The following EXOC6B variants were observed in gnomAD, a reference collection of about 807,000 sequenced individuals.
EXOC6B encodes the protein SEC15 homolog B.
In EXOC6B, 54 loss-of-function variants were observed where a neutral mutation model predicts 113.5. The observed-to-expected ratio is 0.48, with a 90% CI of 0.38 to 0.60. EXOC6B has a LOEUF of 0.60. Ranked by LOEUF, EXOC6B falls within the 20% of genes least tolerant of loss-of-function variation. The pLI is 0.00. For synonymous variants in EXOC6B, 357 were observed against 339.0 expected, an observed-to-expected ratio of 1.05 and a Z score of -0.58; for missense variants, 797 against 977.5, an observed-to-expected ratio of 0.82 and a Z score of 2.46.
At chr2:72,724,354 A>G (rs1350119162) in intron 5 of EXOC6B, among the ~76,000 whole-genome samples, 5 of 152,230 alleles carry the variant, frequency 3.3e-5, no homozygotes, top group Admixed American at 2.0e-4. Flanking sequence ...AGACGGATCA[A>G]GTCTTACTTA....
intron 6 of EXOC6B, among the ~76,000 whole-genome samples, chr2:72,697,623 G>A (rs1677988084): frequency 6.6e-6 from 1 of 152,150 alleles, no homozygotes; most frequent in Non-Finnish European, 1.5e-5. Context: ...GGCAGAGGTT[G>A]CAGTAAGCCA....
chr2:72,589,353 G>A (rs959674082), intron 6 of EXOC6B, among the ~76,000 whole-genome samples: 9 of 151,826 alleles, frequency 5.9e-5, no homozygotes, highest in African/African-American at 1.2e-4. Context: ...TAATTAATAC[G>A]CATATTTGAG....
chr2:72,345,937 G>T (rs1429966470), intron 19 of EXOC6B, among the ~76,000 whole-genome samples: 1 of 152,074 alleles, frequency 6.6e-6, no homozygotes, highest in African/African-American at 2.4e-5. Context: ...AGAGCAGGGA[G>T]TATATTGGAA....
intron 18 of EXOC6B, among the ~76,000 whole-genome samples, chr2:72,407,928 C>T (rs1384341187): frequency 1.3e-5 from 2 of 152,072 alleles, no homozygotes; most frequent in Non-Finnish European, 2.9e-5. Flanking sequence ...TCAAATTGTC[C>T]CTGTTTGCAG....
At chr2:72,786,061 TA>T (rs1374397924) in intron 1 of EXOC6B, among the ~76,000 whole-genome samples, 1 of 151,944 alleles carries the variant, frequency 6.6e-6, no homozygotes, top group Non-Finnish European at 1.5e-5. Flanking sequence ...TTGTCTTCAC[TA>T]AAAATAAAAT....
intron 8 of EXOC6B, chr2:72,515,714 C>G (rs565963514): frequency 3.4e-5 from 34 of 987,600 alleles, no homozygotes; most frequent in Non-Finnish European, 3.5e-5. Context: ...AAGTGCTCTA[C>G]ATAATAATAT....
intron 20 of EXOC6B, among the ~76,000 whole-genome samples, chr2:72,193,526 A>C (rs1276271787): frequency 6.6e-6 from 1 of 152,226 alleles, no homozygotes; most frequent in Non-Finnish European, 1.5e-5. Flanking sequence ...TCACTCTTCT[A>C]GGTACTGCAT....
At chr2:72,309,404 G>A (rs989006523) in intron 20 of EXOC6B, among the ~76,000 whole-genome samples, 1 of 152,094 alleles carries the variant, frequency 6.6e-6, no homozygotes, top group Non-Finnish European at 1.5e-5. Flanking sequence ...AAATTAGGCT[G>A]AACCTCGTTT....
At chr2:72,710,026 G>C (rs987754076) in intron 6 of EXOC6B, among the ~76,000 whole-genome samples, 4 of 152,032 alleles carry the variant, frequency 2.6e-5, no homozygotes, top group African/African-American at 9.7e-5. Context: ...TGTTCAATAA[G>C]AAAATGGAGT....
chr2:72,663,566 CA>C (rs2104457493), intron 6 of EXOC6B, among the ~76,000 whole-genome samples: 1 of 152,210 alleles, frequency 6.6e-6, no homozygotes, highest in Non-Finnish European at 1.5e-5. Context: ...AATGAAACCA[CA>C]ACTTGTAGGA....
intron 1 of EXOC6B, among the ~76,000 whole-genome samples, chr2:72,744,158 C>CTA (rs374160098): frequency 1.1e-4 from 16 of 152,226 alleles, no homozygotes; most frequent in African/African-American, 3.1e-4. Context: ...GTGTAGTAGA[C>CTA]TATATACCAT....
At chr2:72,444,621 A>G (rs1417030558) in intron 18 of EXOC6B, among the ~76,000 whole-genome samples, 1 of 152,234 alleles carries the variant, frequency 6.6e-6, no homozygotes, top group Non-Finnish European at 1.5e-5. Flanking sequence ...CCAAACCTCA[A>G]TTATTGACTT....
intron 6 of EXOC6B, among the ~76,000 whole-genome samples, chr2:72,676,985 T>C (rs923382084): frequency 3.3e-5 from 5 of 152,158 alleles, no homozygotes; most frequent in African/African-American, 1.2e-4. Context: ...TTATGAGAGA[T>C]ACATGAGAGT....
In EXOC6B at chr2:72,411,540, C is replaced by T. The variant is rs573309420; in HGVS notation, c.1981-31670G>A. On this transcript the variant is annotated intron_variant, in intron 18 of 21. Transcript: ENST00000272427. ...GAAAAGGGAGGAGATTAAAGCGACA[C>T]GGAAGCTTGGTTTCCCCTGTGCACT... Among the ~76,000 whole-genome samples the T allele has an allele frequency of 2.6e-5, 4 of 152,272 alleles. No homozygotes were observed. The South Asian group carries it at 8.3e-4, about 32-fold the overall frequency.
rs185140964 is a variant in EXOC6B, at chr2:72,706,628, A to C, written c.669+11475T>G. On this transcript the variant is annotated intron_variant, in intron 6 of 21. Transcript: ENST00000272427. ...CTTTTGGGTAACTATCATCAGCTGAAACTCTGCCTTGGATTATCTCTCAGA... is the reference window on the plus strand; with the variant it reads ...CTTTTGGGTAACTATCATCAGCTGACACTCTGCCTTGGATTATCTCTCAGA... Among the ~76,000 whole-genome samples the C allele has an allele frequency of 5.6e-3, 856 of 152,114 alleles. 13 individuals carry two copies. The highest frequency in any genetic ancestry group is 0.017 in the African/African-American group (718 of 41,500).
intron 19 of EXOC6B, among the ~76,000 whole-genome samples, chr2:72,354,058 T>C (rs573062255): frequency 6.6e-6 from 1 of 152,110 alleles, no homozygotes; most frequent in African/African-American, 2.4e-5. Flanking sequence ...AGGAAAATGG[T>C]CTTTTAGAAA....
intron 17 of EXOC6B, among the ~76,000 whole-genome samples, chr2:72,475,278 G>A (rs932736699): frequency 6.6e-6 from 1 of 152,170 alleles, no homozygotes; most frequent in African/African-American, 2.4e-5. Flanking sequence ...GGGTGGGGAT[G>A]TTCTTGAACC....
At chr2:72,350,552 G>A (rs1359102862) in intron 19 of EXOC6B, among the ~76,000 whole-genome samples, 1 of 152,186 alleles carries the variant, frequency 6.6e-6, no homozygotes, top group African/African-American at 2.4e-5. Flanking sequence ...TCAGTTTGAT[G>A]TGGTGTTTTC....
intron 1 of EXOC6B, among the ~76,000 whole-genome samples, chr2:72,805,803 G>T (rs983527863): frequency 2.6e-5 from 4 of 151,926 alleles, no homozygotes; most frequent in Non-Finnish European, 1.5e-5. Context: ...TCCAGCCTCT[G>T]GCAACCACCA....
Sources: allele counts gnomAD v4.1 joint callset (sites outside exome capture counted in the v4.1 genomes callset), GRCh38; gene constraint gnomAD v4.1.1; transcripts MANE v1.5; gene names NCBI Gene and HGNC (gene_info 2026-07-23, HGNC 2026-07-21).